The following LRRC27 variants were observed in gnomAD, a reference collection of about 807,000 sequenced individuals.
LRRC27 encodes the protein leucine rich repeat containing 27, also known as leucine-rich repeat-containing protein 27.
Under a neutral mutation model 55.0 loss-of-function variants are expected in LRRC27, and 57 were observed. The ratio of observed to expected loss-of-function variants is 1.04; its 90% CI spans 0.84 to 1.29. The LOEUF (loss-of-function observed/expected upper bound fraction) is 1.29. Ranked by LOEUF, LRRC27 falls within the 50% of genes most tolerant of loss-of-function variation. The probability of loss-of-function intolerance (pLI) is 0.00; values close to 1 mark genes in which losing one functional copy is unlikely to be tolerated. For synonymous variants in LRRC27, 278 were observed against 251.9 expected (o/e 1.10, Z -0.98); for missense variants, 721 against 651.5 (o/e 1.11, Z -1.16).
Position 132,344,032 on chromosome 10 carries a change from C to T in LRRC27, c.401-466C>T, listed in dbSNP as rs190573352. Among the ~76,000 whole-genome samples the T allele has an allele frequency of 1.5e-3, 233 of 152,334 alleles. 3 individuals carry two copies. Among genetic ancestry groups the T allele is most frequent in the African/African-American group, 5.4e-3 (225 of 41,566 alleles). ...TTTTCTTCTAATTAAACACAATTTT[C>T]TTCATTTGCTTGAACATATTTAAAT... On this transcript the variant is annotated intron_variant, in intron 4 of 10. Coordinates refer to ENST00000368614, the MANE Select transcript of LRRC27 (RefSeq NM_030626.3).
intron 6 of LRRC27, among the ~76,000 whole-genome samples, chr10:132,350,200 G>A (rs1266628298): frequency 6.6e-6 from 1 of 152,222 alleles, no homozygotes; most frequent in African/African-American, 2.4e-5. Context: ...AAAAATCATA[G>A]GTAAATAATG....
chr10:132,332,575 A>T (rs930429238), intron 1 of LRRC27: 1 of 152,104 alleles, frequency 6.6e-6, no homozygotes, highest in South Asian at 2.1e-4. Context: ...GTTTTAAGAT[A>T]CTTTCCCTGT....
intron 4 of LRRC27, among the ~76,000 whole-genome samples, chr10:132,344,115 A>G (rs2067557405): frequency 6.6e-6 from 1 of 152,072 alleles, no homozygotes; most frequent in African/African-American, 2.4e-5. Context: ...GACAGTTTCC[A>G]TTGTCTGCTC....
intron 8 of LRRC27, among the ~76,000 whole-genome samples, chr10:132,357,544 G>A (rs1289337743): frequency 6.6e-6 from 1 of 152,190 alleles, no homozygotes; most frequent in East Asian, 1.9e-4. Flanking sequence ...ATCACTGTAA[G>A]TTAAAGCAGC....
At position 132,365,496 on chromosome 10, in the gene LRRC27, C is replaced by T; in HGVS notation, c.1362C>T (p.Phe454=). 1 of 1,613,686 alleles carries T rather than the reference C, an allele frequency of 6.2e-7. No individual in the cohort carries two copies. Among genetic ancestry groups the T allele is most frequent in the Non-Finnish European group, 8.5e-7 (1 of 1,179,982 alleles). The part of the protein sequence containing the change: ...HVLQMREQRR[F]HGQAPLEEMR... ...TCCAAATGCGTGAGCAAAGAAGATT[C>T]CATGGCCAGGCCCCACTGGAGGAGA... Residue 454 remains phenylalanine (F), a synonymous_variant, in exon 10 of 11, where the codon TTC becomes TTT. Transcript: ENST00000368614.
intron 8 of LRRC27, among the ~76,000 whole-genome samples, chr10:132,358,508 CGTGGGGAGGAGCCGAGGTGGTGGAGCAGT>C (rs2068423712): frequency 3.2e-4 from 11 of 33,982 alleles, no homozygotes; most frequent in Admixed American, 9.7e-4. Flanking sequence ...GGTGGAGCAG[CGTGGGGAGGAGCCGAGGTGGTGGAGCAGT>C]GTGGGGAGGA....
At chr10:132,331,902 G>T, upstream of LRRC27, 1 of 881,372 alleles carries the variant, frequency 1.1e-6, no homozygotes, top group Non-Finnish European at 1.6e-6. Context: ...CCACCCCCGC[G>T]CAGGCGCACC....
At chr10:132,358,210 C>T (rs780481463) in intron 8 of LRRC27, among the ~76,000 whole-genome samples, 30 of 152,206 alleles carry the variant, frequency 2.0e-4, no homozygotes, top group Admixed American at 3.3e-4. Flanking sequence ...TCCAAGCCAC[C>T]GTAAATACAT....
chr10:132,358,232 C>A (rs982650950), intron 8 of LRRC27, among the ~76,000 whole-genome samples: 2 of 152,230 alleles, frequency 1.3e-5, no homozygotes, highest in Non-Finnish European at 2.9e-5. Context: ...AAAAGATGCT[C>A]AGCCTGTGAG....
upstream of LRRC27, chr10:132,331,688 C>A (rs1395351879): frequency 1.9e-6 from 3 of 1,612,768 alleles, no homozygotes; most frequent in Non-Finnish European, 2.5e-6. Context: ...TGTCCTCGAG[C>A]AGCCCCGCCC....
intron 4 of LRRC27, among the ~76,000 whole-genome samples, chr10:132,342,658 A>G (rs2067473077): frequency 6.6e-6 from 1 of 152,244 alleles, no homozygotes; most frequent in Non-Finnish European, 1.5e-5. Context: ...TTTAGACTTC[A>G]GAATCTAAAC....
chr10:132,348,394 T>C lies in LRRC27; in HGVS notation c.926+38T>C. 6.3e-7 allele frequency: 1 copy of C among 1,587,476 alleles called. No homozygotes were observed. Among genetic ancestry groups the C allele is most frequent in the Non-Finnish European group, 8.6e-7 (1 of 1,167,410 alleles). On this transcript the variant is annotated intron_variant, in intron 6 of 10. Coordinates refer to ENST00000368614, the MANE Select transcript of LRRC27 (RefSeq NM_030626.3). The surrounding 1 kb of genome is among the most constrained non-coding windows in gnomAD (Gnocchi z 4.2). ...AGCAACGGGGGATTTTCTTGATCTT[T>C]GCGAATTTATACAGTTATTTTAAAT...
intron 4 of LRRC27, among the ~76,000 whole-genome samples, chr10:132,343,528 A>G (rs1038045160): frequency 5.3e-5 from 8 of 152,218 alleles, no homozygotes; most frequent in African/African-American, 1.9e-4. Flanking sequence ...GGATGACAAG[A>G]TAATACAGAG....
At chr10:132,333,025 G>A (rs778782370) in intron 1 of LRRC27, among the ~76,000 whole-genome samples, 2 of 152,164 alleles carry the variant, frequency 1.3e-5, no homozygotes, top group Non-Finnish European at 2.9e-5. Context: ...TGGTCACTGG[G>A]TCAAAATGGT....
intron 4 of LRRC27, among the ~76,000 whole-genome samples, chr10:132,343,972 G>A (rs2067551358): frequency 6.6e-6 from 1 of 152,182 alleles, no homozygotes; most frequent in Non-Finnish European, 1.5e-5. Context: ...TCCATTTTTA[G>A]TGACATTTCA....
chr10:132,336,144 C>T (rs1315243064), intron 2 of LRRC27, among the ~76,000 whole-genome samples: 2 of 152,170 alleles, frequency 1.3e-5, no homozygotes, highest in Non-Finnish European at 2.9e-5. Flanking sequence ...AGAGTGTTAT[C>T]TTTCTGAGAT....
chr10:132,331,698 C>G (rs912835029), upstream of LRRC27: 3 of 1,612,660 alleles, frequency 1.9e-6, no homozygotes, highest in Admixed American at 5.0e-5. Context: ...CAGCCCCGCC[C>G]GCCCCGGGCC....
chr10:132,341,721 G>A (rs1447391722), intron 3 of LRRC27, among the ~76,000 whole-genome samples: 1 of 152,134 alleles, frequency 6.6e-6, no homozygotes, highest in Non-Finnish European at 1.5e-5. Flanking sequence ...AAACATTTTT[G>A]GCCGTAGAAA....
At chr10:132,358,927 A>G (rs140138980) in intron 8 of LRRC27, among the ~76,000 whole-genome samples, 6 of 2,952 alleles carry the variant, frequency 2.0e-3, no homozygotes, top group South Asian at 0.018. Flanking sequence ...CCGAGGTGGT[A>G]GAGCAGTGTG....
Sources: allele counts gnomAD v4.1 joint callset (sites outside exome capture counted in the v4.1 genomes callset), GRCh38; gene constraint gnomAD v4.1.1; non-coding constraint Gnocchi (gnomAD v3.1); transcripts MANE v1.5; gene names NCBI Gene and HGNC (gene_info 2026-07-23, HGNC 2026-07-21).